Variants in FRMD4B observed in about 807,000 individuals in gnomAD.
FRMD4B encodes FERM domain-containing protein 4B.
FRMD4B carries 74 observed loss-of-function variants against 141.5 expected under a neutral mutation model. The observed-to-expected ratio is 0.52, with a 90% CI of 0.43 to 0.63. FRMD4B has a LOEUF of 0.63. Ranked by LOEUF, FRMD4B falls within the 30% of genes least tolerant of loss-of-function variation. The pLI is 0.00. For synonymous variants in FRMD4B, 506 were observed against 467.9 expected, an observed-to-expected ratio of 1.08 and a Z score of -1.05; for missense variants, 1,366 against 1,253.4, an observed-to-expected ratio of 1.09 and a Z score of -1.36.
intron 1 of FRMD4B, among the ~76,000 whole-genome samples, chr3:69,519,979 T>C (rs902734547): frequency 7.1e-6 from 1 of 140,382 alleles, no homozygotes; most frequent in African/African-American, 2.6e-5. Flanking sequence ...CATTCCTTTT[T>C]GTGGCTGAGT....
intron 1 of FRMD4B, among the ~76,000 whole-genome samples, chr3:69,361,152 T>C (rs974968475): frequency 6.6e-6 from 1 of 152,210 alleles, no homozygotes; most frequent in Non-Finnish European, 1.5e-5. Flanking sequence ...CCATTAAAGT[T>C]ATTTTCTTTT....
chr3:69,330,786 C>A (rs193161990), intron 1 of FRMD4B, among the ~76,000 whole-genome samples: 2 of 152,170 alleles, frequency 1.3e-5, no homozygotes, highest in South Asian at 2.1e-4. Context: ...CGTGTGCCAC[C>A]ACGCCCGGCC....
Position 69,521,087 on chromosome 3 carries a change from T to C in FRMD4B, c.-129+21119A>G, listed in dbSNP as rs567193863. Among the ~76,000 whole-genome samples the C allele has an allele frequency of 2.6e-5, 4 of 152,292 alleles. No homozygotes were observed. In the South Asian group the frequency reaches 8.3e-4, roughly 32 times the overall value. Reference sequence around the variant, plus strand: ...GCATGTAGCTTGATGGAGTCACTACTGGCTTTCTGTGCCTCTTACCTAATC... The same window carrying C: ...GCATGTAGCTTGATGGAGTCACTACCGGCTTTCTGTGCCTCTTACCTAATC... On this transcript the variant is annotated intron_variant, in intron 1 of 5. Coordinates refer to the FRMD4B transcript ENST00000459638.
chr3:69,413,415 C>A (rs1004241471), intron 2 of FRMD4B, among the ~76,000 whole-genome samples: 2 of 152,160 alleles, frequency 1.3e-5, no homozygotes, highest in Admixed American at 6.5e-5. Context: ...GATCTATAAA[C>A]CTTGAACTGT....
chr3:69,393,507 G>T (rs915620605), intron 2 of FRMD4B, among the ~76,000 whole-genome samples: 3 of 152,132 alleles, frequency 2.0e-5, no homozygotes, highest in Non-Finnish European at 4.4e-5. Flanking sequence ...TGGATCAGGG[G>T]GAAAGGGCTT....
At chr3:69,262,178 G>A (rs2093531602) in intron 5 of FRMD4B, among the ~76,000 whole-genome samples, 1 of 152,060 alleles carries the variant, frequency 6.6e-6, no homozygotes, top group Non-Finnish European at 1.5e-5. Flanking sequence ...TGTTGGCCAG[G>A]CTAGTCTTGA....
At chr3:69,469,689 T>C (rs569440330) in intron 1 of FRMD4B, among the ~76,000 whole-genome samples, 1 of 152,314 alleles carries the variant, frequency 6.6e-6, no homozygotes, top group African/African-American at 2.4e-5. Flanking sequence ...AGTAATTCAA[T>C]TTATGGAAAA....
chr3:69,396,169 C>T (rs763468519), intron 2 of FRMD4B, among the ~76,000 whole-genome samples: 10 of 152,082 alleles, frequency 6.6e-5, no homozygotes, highest in Non-Finnish European at 1.3e-4. Context: ...GGCACAACAC[C>T]CAACTCTGGC....
chr3:69,175,400 T>A (rs971420478), intron 22 of FRMD4B, among the ~76,000 whole-genome samples: 6 of 152,234 alleles, frequency 3.9e-5, no homozygotes, highest in Admixed American at 6.5e-5. Context: ...TGCAATTTTT[T>A]AAAAAATCAG....
At chr3:69,476,741 A>G (rs1706007391) in intron 1 of FRMD4B, among the ~76,000 whole-genome samples, 1 of 152,180 alleles carries the variant, frequency 6.6e-6, no homozygotes, top group African/African-American at 2.4e-5. Flanking sequence ...TTCTGTGAAG[A>G]AAGTCATTGG....
intron 1 of FRMD4B, among the ~76,000 whole-genome samples, chr3:69,378,360 G>C (rs1704028554): frequency 6.6e-6 from 1 of 152,188 alleles, no homozygotes; most frequent in Admixed American, 6.5e-5. Context: ...TTAACTGCTA[G>C]GACCAGACTC....
chr3:69,332,987 T>A (rs1314926217), intron 1 of FRMD4B, among the ~76,000 whole-genome samples: 2 of 152,120 alleles, frequency 1.3e-5, no homozygotes, highest in African/African-American at 4.8e-5. Flanking sequence ...CCAGTTCCTG[T>A]ATGCAATGCT....
intron 1 of FRMD4B, among the ~76,000 whole-genome samples, chr3:69,320,598 G>A (rs1038709802): frequency 1.3e-5 from 2 of 152,024 alleles, no homozygotes; most frequent in African/African-American, 4.8e-5. Context: ...AAAAACAGGA[G>A]TTATATTTGA....
chr3:69,181,609 A>C lies in FRMD4B; in HGVS notation c.2141T>G (p.Leu714Arg). The change falls in exon 21 of 23, where the codon CTC becomes CGC. Residue 714 changes from leucine (L) to arginine (R), a missense_variant. By Grantham distance (102) the Leu-to-Arg change is moderately radical. Transcript: ENST00000398540. ...GCTGCTGCTTCTTTGGGATTTGGAG[A>C]GGGAGAAAAATGGCTTATCGCTGTC... ...EMDSDKPFFS[L>R]SKSQRSSSTE... is the part of the protein sequence containing the mutation. The C allele has an allele frequency of 6.2e-7, 1 of 1,613,644 alleles. No individual in the cohort carries two copies. Among genetic ancestry groups the C allele is most frequent in the Non-Finnish European group, 8.5e-7 (1 of 1,179,698 alleles).
chr3:69,171,499 A>T lies in FRMD4B; in HGVS notation c.*362T>A, dbSNP rs965431438. On this transcript the variant is annotated 3_prime_UTR_variant, in exon 23 of 23. Coordinates refer to ENST00000398540, the MANE Select transcript of FRMD4B (RefSeq NM_015123.3). The stretch of plus-strand genomic sequence containing the variant: ...TGAGATTTCCCCTGTTCTTATTGCC[A>T]TGGGACATCCTGAATGCCCTTTCAT... The T allele has an allele frequency of 5.5e-6, 1 of 182,174 alleles. No homozygotes were observed. The highest frequency in any genetic ancestry group is 2.4e-5 in the African/African-American group (1 of 41,974). 11.3% of individuals were successfully genotyped at this position (182,174 alleles called of 1,614,324 possible).
chr3:69,193,740 G>C lies in FRMD4B; in HGVS notation c.1622C>G (p.Ala541Gly), dbSNP rs115964883. 7.9e-3 allele frequency: 12,733 copies of C among 1,612,990 alleles called. 65 individuals are homozygous for C. The highest frequency in any genetic ancestry group is 9.4e-3 in the Non-Finnish European group (11,106 of 1,179,100). ...TTCAATCTCCTGAAGCTTTTTCATC[G>C]CATCTGTGTAATCTTGCTTTCGCTT... ...KKKRKQDYTDAMKKLQEIENA... is the reference protein window; with the variant it reads ...KKKRKQDYTDGMKKLQEIENA... Residue 541 changes from alanine (A) to glycine (G), a missense_variant, in exon 17 of 23, where the codon GCG becomes GGG. Transcript: ENST00000398540.
At chr3:69,233,672 A>T (rs141938158) in intron 7 of FRMD4B, among the ~76,000 whole-genome samples, 55 of 152,264 alleles carry the variant, frequency 3.6e-4, no homozygotes, top group African/African-American at 1.2e-3. Context: ...AGCTTACATA[A>T]CATGAGAAAT....
chr3:69,369,198 C>T (rs1703756997), intron 1 of FRMD4B, among the ~76,000 whole-genome samples: 1 of 152,134 alleles, frequency 6.6e-6, no homozygotes, highest in East Asian at 1.9e-4. Flanking sequence ...GTTTTACTTT[C>T]TGGAAAAACT....
chr3:69,297,590 C>T (rs566031224), intron 4 of FRMD4B, among the ~76,000 whole-genome samples: 52 of 152,278 alleles, frequency 3.4e-4, no homozygotes, highest in African/African-American at 1.0e-3. Context: ...GGTTGCCCTC[C>T]TCTGAGGGAA....
Sources: gnomAD v4.1 joint callset for allele counts (sites outside exome capture counted in the v4.1 genomes callset) on GRCh38, gnomAD v4.1.1 for gene constraint, MANE v1.5 for transcripts, NCBI Gene and HGNC (gene_info 2026-07-23, HGNC 2026-07-21) for gene names.